CADM2: variants seen among roughly 807,000 people sequenced by gnomAD.
CADM2 encodes immunoglobulin superfamily member 4D.
In CADM2, 12 loss-of-function variants were observed where a neutral mutation model predicts 49.8. That is an observed-to-expected ratio of 0.24 (90% CI 0.15 to 0.39). The LOEUF is 0.39. Among genes scored for constraint, CADM2 ranks in the 10% least tolerant of loss-of-function variants. The probability of loss-of-function intolerance (pLI) is 1.00; values close to 1 mark genes in which losing one functional copy is unlikely to be tolerated. For missense variants in CADM2, 378 were observed against 492.3 expected (o/e 0.77, Z 2.20); for synonymous variants, 214 against 175.4 (o/e 1.22, Z -1.74).
Position 85,912,546 on chromosome 3 carries a change from A to G in CADM2, c.700+3A>G. ...CATGCAGGTGCTAGAAATACACTGT[A>G]AGTAAACACTACTTCCCCCTCCTTT... On this transcript the variant is annotated splice_donor_region_variant and intron_variant, in intron 6 of 9. Coordinates refer to ENST00000383699, the MANE Select transcript of CADM2 (RefSeq NM_001167675.2). 1 of 1,611,348 alleles carries G rather than the reference A, an allele frequency of 6.2e-7. No homozygotes were observed. The highest frequency in any genetic ancestry group is 8.5e-7 in the Non-Finnish European group (1 of 1,178,642).
chr3:85,263,733 T>A (rs1027355783), intron 1 of CADM2, among the ~76,000 whole-genome samples: 5 of 152,142 alleles, frequency 3.3e-5, no homozygotes, highest in African/African-American at 1.2e-4. Flanking sequence ...TAATTTGTAA[T>A]TATCACTGGT....
At chr3:85,344,729 T>C (rs2030392293) in intron 1 of CADM2, among the ~76,000 whole-genome samples, 1 of 152,154 alleles carries the variant, frequency 6.6e-6, no homozygotes, top group Non-Finnish European at 1.5e-5. Flanking sequence ...CTGGTAACTT[T>C]ATAGAAAATT....
At chr3:85,946,830 A>G (rs1722772897) in intron 7 of CADM2, among the ~76,000 whole-genome samples, 1 of 152,182 alleles carries the variant, frequency 6.6e-6, no homozygotes, top group Non-Finnish European at 1.5e-5. Flanking sequence ...TTAGACCTAA[A>G]ACCATAAAAA....
At chr3:85,031,351 A>C (rs1434401157) in intron 1 of CADM2, among the ~76,000 whole-genome samples, 8 of 152,172 alleles carry the variant, frequency 5.3e-5, no homozygotes, top group Admixed American at 4.6e-4. Flanking sequence ...GAGATGAACA[A>C]GTGAAATATT....
At chr3:85,061,986 ATAAG>A (rs1349035588) in intron 1 of CADM2, among the ~76,000 whole-genome samples, 2 of 151,628 alleles carry the variant, frequency 1.3e-5, no homozygotes, top group African/African-American at 2.4e-5. Flanking sequence ...TGGAGAGTTC[ATAAG>A]TAAGAGCTTA....
At chr3:85,151,494 G>A (rs1480752049) in intron 1 of CADM2, among the ~76,000 whole-genome samples, 1 of 151,936 alleles carries the variant, frequency 6.6e-6, no homozygotes, top group Non-Finnish European at 1.5e-5. Flanking sequence ...TCTTTCAAAT[G>A]CTAACAGTCT....
chr3:85,290,578 G>A (rs190407129), intron 1 of CADM2, among the ~76,000 whole-genome samples: 1,552 of 152,302 alleles, frequency 0.01, 12 homozygotes, highest in Non-Finnish European at 0.013. Flanking sequence ...CTCCCAGCAC[G>A]CAGCTGGAGA....
At chr3:85,568,606 C>CTG (rs2062385182) in intron 1 of CADM2, among the ~76,000 whole-genome samples, 2 of 49,576 alleles carry the variant, frequency 4.0e-5, no homozygotes, top group Admixed American at 5.5e-4. Flanking sequence ...TTTCTTTCCT[C>CTG]TCTTTCTTTT....
intron 8 of CADM2, among the ~76,000 whole-genome samples, chr3:86,029,751 A>G (rs958123086): frequency 6.6e-6 from 1 of 152,066 alleles, no homozygotes; most frequent in Non-Finnish European, 1.5e-5. Context: ...AGGACAGGGA[A>G]CACCTCAGAG....
chr3:85,271,399 A>G (rs1361612942), intron 1 of CADM2, among the ~76,000 whole-genome samples: 1 of 151,332 alleles, frequency 6.6e-6, no homozygotes, highest in African/African-American at 2.4e-5. Context: ...ATCTGATTCA[A>G]TAATTTGTTA....
intron 1 of CADM2, among the ~76,000 whole-genome samples, chr3:85,000,283 A>C (rs539940075): frequency 6.8e-6 from 1 of 147,554 alleles, no homozygotes; most frequent in Non-Finnish European, 1.5e-5. Context: ...CCAGCTAATT[A>C]TTTTTTTTTT....
chr3:85,311,670 C>A (rs1187646679), intron 1 of CADM2, among the ~76,000 whole-genome samples: 1 of 152,080 alleles, frequency 6.6e-6, no homozygotes, highest in Non-Finnish European at 1.5e-5. Context: ...GCCACCACGC[C>A]CGGCCGCATC....
At chr3:85,588,414 T>C (rs190844912) in intron 1 of CADM2, among the ~76,000 whole-genome samples, 129 of 152,136 alleles carry the variant, frequency 8.5e-4, no homozygotes, top group African/African-American at 2.8e-3. Flanking sequence ...TGATACAGTG[T>C]TGCAAAAGGG....
At chr3:85,211,086 ATAG>A (rs763571710) in intron 1 of CADM2, among the ~76,000 whole-genome samples, 19 of 151,038 alleles carry the variant, frequency 1.3e-4, no homozygotes, top group Admixed American at 2.6e-4. Flanking sequence ...ATGATCACTC[ATAG>A]TAGTCAAAAA....
chr3:85,979,174 C>A, intron 8 of CADM2: 2 of 1,609,582 alleles, frequency 1.2e-6, no homozygotes, highest in Admixed American at 1.7e-5. Context: ...ATGTTCCCAA[C>A]ACTTTGCTTC....
At chr3:85,493,480 A>G (rs1353680425) in intron 1 of CADM2, among the ~76,000 whole-genome samples, 1 of 152,208 alleles carries the variant, frequency 6.6e-6, no homozygotes, top group Non-Finnish European at 1.5e-5. Flanking sequence ...TATTGGTGTT[A>G]TCTGTGAAAG....
chr3:85,289,260 G>T (rs1287039896), intron 1 of CADM2, among the ~76,000 whole-genome samples: 1 of 152,146 alleles, frequency 6.6e-6, no homozygotes, highest in East Asian at 1.9e-4. Context: ...TAATTATGGA[G>T]GGGTAAAGTA....
At position 86,074,284 on chromosome 3, in the gene CADM2, ATAAAG is replaced by A. The variant is rs1703425882; in HGVS notation, c.*7504_*7508del. 3 of 152,012 alleles carry A rather than the reference ATAAAG, an allele frequency of 2.0e-5. No individual in the cohort carries two copies. The highest frequency in any genetic ancestry group is 2.4e-5 in the African/African-American group (1 of 41,448). 9.4% of individuals were successfully genotyped at this position (152,012 alleles called of 1,614,324 possible). ...TTGTGTCTTTGGAAGTTCACTTACCATAAAGTATTTTATAGTCTACTTTAAATAAC... is the reference window on the plus strand; with the variant it reads ...TTGTGTCTTTGGAAGTTCACTTACCATATTTTATAGTCTACTTTAAATAAC... On this transcript the variant is annotated 3_prime_UTR_variant, in exon 10 of 10. Coordinates refer to ENST00000383699, the MANE Select transcript of CADM2 (RefSeq NM_001167675.2).
At chr3:86,026,409 T>C (rs1362504185) in intron 8 of CADM2, among the ~76,000 whole-genome samples, 1 of 152,072 alleles carries the variant, frequency 6.6e-6, no homozygotes, top group East Asian at 1.9e-4. Context: ...ATAAATTAGA[T>C]ATAATTATAC....
Sources: gnomAD v4.1 joint callset for allele counts (sites outside exome capture counted in the v4.1 genomes callset) on GRCh38, gnomAD v4.1.1 for gene constraint, MANE v1.5 for transcripts, NCBI Gene and HGNC (gene_info 2026-07-23, HGNC 2026-07-21) for gene names.